SAT1: variants seen among roughly 807,000 people sequenced by gnomAD.
The protein encoded by SAT1 is diamine acetyltransferase 1.
A neutral mutation model predicts 14.7 loss-of-function variants in SAT1; 1 was observed. The observed-to-expected ratio is 0.07, with a 90% confidence interval of 0.02 to 0.32. The LOEUF is 0.32. SAT1 is among the 10% of genes least tolerant of loss of function. The pLI, the probability that SAT1 is intolerant of heterozygous loss-of-function variation, is 1.00. For missense variants in SAT1, 77 were observed against 129.1 expected (o/e 0.60, Z 1.96); for synonymous variants, 67 against 46.1 (o/e 1.45, Z -1.84).
rs373499605 is a variant in SAT1, at chrX:23,785,610, T to C, written c.345+50T>C. The C allele has an allele frequency of 1.6e-5, 19 of 1,184,784 alleles. No individual in the cohort carries two copies. The African/African-American group carries it at 3.3e-4, about 21-fold the overall frequency. ...AATTTGTAAGTTTACTGGATTATTT[T>C]AATGATGGAATAAAAATTGGGTCTT... On this transcript the variant is annotated intron_variant, in intron 5 of 5. Coordinates refer to ENST00000379270, the MANE Select transcript of SAT1 (RefSeq NM_002970.4).
Position 23,783,190 on chromosome X carries a change from G to A in SAT1, c.-162G>A, listed in dbSNP as rs113458958. On this transcript the variant is annotated 5_prime_UTR_variant, in exon 1 of 6. Coordinates refer to ENST00000379270, the MANE Select transcript of SAT1 (RefSeq NM_002970.4). ...GTTCAAATGCGCAGCTCTTAGTCGC[G>A]GGCCGACTGGTGTTTATCCGTCACT... 4.9e-3 allele frequency: 2,397 copies of A among 484,817 alleles called. 45 individuals carry two copies. The highest frequency in any genetic ancestry group is 0.049 in the African/African-American group (2,074 of 41,968). 40.0% of individuals were successfully genotyped at this position (484,817 alleles called of 1,213,427 possible).
intron 1 of SAT1, 72 bp from the exon 2 acceptor site, chrX:23,783,586 T>A (rs1271063388): frequency 2.3e-5 from 8 of 347,286 alleles, no homozygotes; most frequent in African/African-American, 8.5e-5. Context: ...CCCCATTCCG[T>A]TCCCCTGAGC....
chrX:23,783,199 G>T lies in SAT1; in HGVS notation c.-153G>T, dbSNP rs1233922941. On this transcript the variant is annotated 5_prime_UTR_variant, in exon 1 of 6. Coordinates refer to ENST00000379270, the MANE Select transcript of SAT1 (RefSeq NM_002970.4). ...CGCAGCTCTTAGTCGCGGGCCGACT[G>T]GTGTTTATCCGTCACTCGCCGAGGT... 3.7e-5 allele frequency: 19 copies of T among 507,027 alleles called. No individual in the cohort carries two copies. Among genetic ancestry groups the T allele is most frequent in the South Asian group, 8.2e-5 (3 of 36,408 alleles). 41.8% of individuals were successfully genotyped at this position (507,027 alleles called of 1,213,427 possible).
chrX:23,783,467 G>T (rs1448917449), intron 1 of SAT1, 50 bp downstream of exon 1: 2 of 1,087,235 alleles, frequency 1.8e-6, no homozygotes, highest in Admixed American at 2.3e-5. Flanking sequence ...AGGTGGCTCC[G>T]TTTCCCAGAG....
chrX:23,783,334 G>A lies in SAT1; in HGVS notation c.-18G>A, dbSNP rs1182520526. 6 of 1,207,281 alleles carry A rather than the reference G, an allele frequency of 5.0e-6. No individual in the cohort carries two copies. In the Admixed American group the frequency reaches 1.1e-4, roughly 22 times the overall value. ...ACAGGGGCCTGGTCCGCAAAGGGAA[G>A]AAAAGCAAAAGACGAAAATGGCTAA... On this transcript the variant is annotated 5_prime_UTR_variant, in exon 1 of 6. Transcript: ENST00000379270.
chrX:23,783,578 C>CCCAAAAA, intron 1 of SAT1, 80 bp from the exon 2 acceptor site: 1 of 761,165 alleles, frequency 1.3e-6, no homozygotes, highest in Non-Finnish European at 1.9e-6. Context: ...CCCGCCCGCC[C>CCCAAAAA]CATTCCGTTC....
chrX:23,783,448 G>A (rs758520675), intron 1 of SAT1, 31 bp downstream of exon 1: 3 of 1,160,110 alleles, frequency 2.6e-6, no homozygotes, highest in Non-Finnish European at 3.5e-6. Context: ...CTCCCGGGGC[G>A]TGGGGTGGAG....
intron 3 of SAT1, chrX:23,784,738 G>A (rs768382151): frequency 1.8e-5 from 2 of 111,238 alleles, no homozygotes; most frequent in African/African-American, 3.3e-5. Flanking sequence ...TGCATGTTAC[G>A]TAATACCTGT....
chrX:23,784,981 T>C, intron 3 of SAT1: 1 of 234,319 alleles, frequency 4.3e-6, no homozygotes, highest in Middle Eastern at 1.5e-3. Context: ...ATAATGTGTG[T>C]GTTGAGTTTA....
intron 3 of SAT1, chrX:23,785,057 C>A: frequency 2.8e-6 from 1 of 358,847 alleles, no homozygotes; most frequent in Non-Finnish European, 4.8e-6. Context: ...TGAGCTCCAG[C>A]AGACTGCAGA....
chrX:23,783,578 C>CCCCAA (rs1922586368), intron 1 of SAT1, 80 bp from the exon 2 acceptor site: 4 of 761,124 alleles, frequency 5.3e-6, no homozygotes, highest in Non-Finnish European at 7.6e-6. Flanking sequence ...CCCGCCCGCC[C>CCCCAA]CATTCCGTTC....
chrX:23,785,791 G>A lies in SAT1; in HGVS notation c.451G>A (p.Glu151Lys). The change falls in exon 6 of 6, where the codon GAA becomes AAA. Residue 151 changes from glutamate to lysine, a missense_variant. Physicochemically the swap from Glu to Lys is moderately conservative, Grantham distance 56. Transcript: ENST00000379270. ...AAGAGGTGCTTCTGATCTGTCCAGTGAAGAGGGTTGGAGACTGTTCAAGAT... is the reference window on the plus strand; with the variant it reads ...AAGAGGTGCTTCTGATCTGTCCAGTAAAGAGGGTTGGAGACTGTTCAAGAT... ...KRRGASDLSS[E>K]EGWRLFKIDK... 8.3e-7 allele frequency: 1 copy of A among 1,210,498 alleles called. No homozygotes were observed. The highest frequency in any genetic ancestry group is 1.8e-5 in the South Asian group (1 of 56,717).
rs933833989 is a variant in SAT1 at position 23,785,358 on chromosome X, A to G, written c.233A>G (p.Tyr78Cys). 2.5e-6 allele frequency: 3 copies of G among 1,205,705 alleles called. No individual in the cohort carries two copies. Among genetic ancestry groups the G allele is most frequent in the Non-Finnish European group, 3.4e-6 (3 of 891,067 alleles). ...GHSIVGFAMY[Y>C]FTYDPWIGKL... Reference sequence around the variant, plus strand: ...AGCATTGTTGGTTTTGCCATGTACTATTTTACCTATGACCCGTGGATTGGC... The same window carrying G: ...AGCATTGTTGGTTTTGCCATGTACTGTTTTACCTATGACCCGTGGATTGGC... The change falls in exon 4 of 6, where the codon TAT becomes TGT. Residue 78 changes from tyrosine (Y) to cysteine (C), a missense_variant. Physicochemically the swap from Tyr to Cys is radical, Grantham distance 194. Transcript: ENST00000379270.
rs1922705581 is a variant in SAT1, at chrX:23,785,998, G to A, written c.*142G>A. On this transcript the variant is annotated 3_prime_UTR_variant, in exon 6 of 6. Transcript: ENST00000379270. ...TTACCAGTGGCGTTGTTGCATGTTT[G>A]AAATGAGGTCTGTTTAAAGTGGCAA... The A allele has an allele frequency of 2.1e-5, 10 of 487,381 alleles. No individual in the cohort carries two copies. The South Asian group carries it at 4.6e-4, about 22-fold the overall frequency. 40.2% of individuals were successfully genotyped at this position (487,381 alleles called of 1,213,427 possible).
rs769555216 is a variant in SAT1 at position 23,785,416 on chromosome X, G to A, written c.291G>A (p.Met97Ile). 8.4e-7 allele frequency: 1 copy of A among 1,194,656 alleles called. No homozygotes were observed. The highest frequency in any genetic ancestry group is 1.8e-5 in the South Asian group (1 of 56,648). The change falls in exon 4 of 6, where the codon ATG becomes ATA. Residue 97 changes from methionine (M) to isoleucine (I), a missense_variant. By Grantham distance (10) the Met-to-Ile change is conservative (BLOSUM62 1). Coordinates refer to ENST00000379270, the MANE Select transcript of SAT1 (RefSeq NM_002970.4). ...KLLYLEDFFV[M>I]SDYRGFGIGS... ...TGTATCTTGAGGACTTCTTCGTGAT[G>A]AGTGATTATAGAGGTACGATTGAGT...
At chrX:23,783,563 C>T (rs900361022) in intron 1 of SAT1, 95 bp from the exon 2 acceptor site, 2 of 624,096 alleles carry the variant, frequency 3.2e-6, no homozygotes, top group South Asian at 2.8e-5. Flanking sequence ...TCGGCCGCCA[C>T]CCCGCCCGCC....
At chrX:23,783,446 G>A (rs1161904479) in intron 1 of SAT1, 29 bp downstream of exon 1, 1 of 1,170,670 alleles carries the variant, frequency 8.5e-7, no homozygotes, top group Middle Eastern at 2.7e-4. Flanking sequence ...TCCTCCCGGG[G>A]CGTGGGGTGG....
intron 3 of SAT1, chrX:23,784,084 C>G (rs1409610365): frequency 1.8e-6 from 2 of 1,105,547 alleles, no homozygotes; most frequent in South Asian, 4.6e-5. Context: ...GTTAAAAGAG[C>G]TGTTTAAGTA....
In SAT1 at chrX:23,783,372, C is replaced by A. The variant is rs1256777918; in HGVS notation, c.21C>A (p.Arg7=). ...CGAAAATGGCTAAATTCGTGATCCG[C>A]CCAGCCACTGCCGCCGACTGCAGTG... MAKFVI[R]PATAADCSDI... The change falls in exon 1 of 6, where the codon CGC becomes CGA. Residue 7 remains arginine, a synonymous_variant. Coordinates refer to ENST00000379270, the MANE Select transcript of SAT1 (RefSeq NM_002970.4). 2 of 1,209,739 alleles carry A rather than the reference C, an allele frequency of 1.7e-6. No homozygotes were observed. The highest frequency in any genetic ancestry group is 2.2e-6 in the Non-Finnish European group (2 of 894,767).
Sources: gnomAD v4.1 joint callset for allele counts on GRCh38, gnomAD v4.1.1 for gene constraint, MANE v1.5 for transcripts, NCBI Gene and HGNC (gene_info 2026-07-23, HGNC 2026-07-21) for gene names.